STPG3: variants seen among roughly 807,000 people sequenced by gnomAD.
STPG3 encodes the protein sperm-tail PG-rich repeat containing 3, also known as protein STPG3.
In STPG3, 39 loss-of-function variants were observed where a neutral mutation model predicts 32.5. The ratio of observed to expected loss-of-function variants is 1.20; its 90% CI spans 0.93 to 1.57. The LOEUF is 1.57. Ranked by LOEUF, STPG3 falls within the 40% of genes most tolerant of loss-of-function variation. The probability of loss-of-function intolerance (pLI) is 0.00; values close to 1 mark genes in which losing one functional copy is unlikely to be tolerated. For synonymous variants in STPG3, 209 were observed against 172.4 expected (o/e 1.21, Z -1.66); for missense variants, 507 against 407.6 (o/e 1.24, Z -2.10).
rs759028220 is a variant in STPG3 at position 137,251,340 on chromosome 9, T to C, written c.54T>C (p.Asn18=). 4 of 1,613,482 alleles carry C rather than the reference T, an allele frequency of 2.5e-6. No homozygotes were observed. Among genetic ancestry groups the C allele is most frequent in the East Asian group, 4.5e-5 (2 of 44,860 alleles). Reference sequence around the variant, plus strand: ...AATTCCTGGCAAATTTTTACATCAATGGAGGCAAACACTGGACCCATGGTC... The same window carrying C: ...AATTCCTGGCAAATTTTTACATCAACGGAGGCAAACACTGGACCCATGGTC... ...AVKFLANFYI[N]GGKHWTHGHL... The change falls in exon 1 of 6, where the codon AAT becomes AAC. Residue 18 remains asparagine, a synonymous_variant. Coordinates refer to ENST00000412566, the MANE Select transcript of STPG3 (RefSeq NM_001004353.4).
rs768103281 is a variant in STPG3 at position 137,251,805 on chromosome 9, A to G, written c.178A>G (p.Lys60Glu). 5 of 1,599,906 alleles carry G rather than the reference A, an allele frequency of 3.1e-6. No individual in the cohort carries two copies. In the South Asian group the frequency reaches 5.6e-5, roughly 18 times the overall value. Reference protein sequence around the residue: ...GMAWDETQPPKMKEIPVGLRL... With the variant: ...GMAWDETQPPEMKEIPVGLRL... ...GGCCTGGGATGAGACACAGCCCCCAAAGATGAAGGAGATCCCAGTTGGCCT... is the reference window on the plus strand; with the variant it reads ...GGCCTGGGATGAGACACAGCCCCCAGAGATGAAGGAGATCCCAGTTGGCCT... The change falls in exon 2 of 6, where the codon AAG becomes GAG. Residue 60 changes from lysine (K) to glutamate (E), a missense_variant. Physicochemically the swap from Lys to Glu is moderately conservative, Grantham distance 56. Transcript: ENST00000412566.
intron 4 of STPG3, 40 bp downstream of exon 4, chr9:137,252,565 G>C (rs1009115174): frequency 6.0e-6 from 9 of 1,509,738 alleles, no homozygotes; most frequent in Non-Finnish European, 8.1e-6. Context: ...AGTCCACGCA[G>C]GCAGGGGGCT....
chr9:137,251,529 A>G (rs1216170639), intron 1 of STPG3, 133 bp downstream of exon 1: 17 of 951,544 alleles, frequency 1.8e-5, no homozygotes, highest in Non-Finnish European at 2.7e-5. Flanking sequence ...GCTGTGGGGC[A>G]GGCGGCTGGG....
chr9:137,252,409 C>G (rs374699764), intron 3 of STPG3, 28 bp from the exon 4 acceptor site: 60 of 1,600,906 alleles, frequency 3.7e-5, no homozygotes, highest in Non-Finnish European at 4.8e-5. Flanking sequence ...GGCTCCCAGC[C>G]TTCTCTCTCT....
rs1331826116 is a variant in STPG3 at position 137,251,756 on chromosome 9, G to A, written c.129G>A (p.Leu43=). The A allele has an allele frequency of 1.3e-6, 2 of 1,575,682 alleles. No individual in the cohort carries two copies. The highest frequency in any genetic ancestry group is 1.9e-5 in the Admixed American group (1 of 53,804). ...CTTGCAGGCCCAAGGCATCTGTGCTGTTGTTGGGCCCGGAGCCGGGGATGG... is the reference window on the plus strand; with the variant it reads ...CTTGCAGGCCCAAGGCATCTGTGCTATTGTTGGGCCCGGAGCCGGGGATGG... ...PEPTQPKASV[L]LLGPEPGMAW... is the part of the protein sequence containing the mutation. The change falls in exon 2 of 6, where the codon CTG becomes CTA. Residue 43 remains leucine (L), a synonymous_variant. Coordinates refer to ENST00000412566, the MANE Select transcript of STPG3 (RefSeq NM_001004353.4).
rs202188134 is a variant in STPG3, at chr9:137,251,851, C to T, written c.224C>T (p.Pro75Leu). The change falls in exon 2 of 6, where the codon CCC (proline) becomes CTC (leucine). Residue 75 changes from proline (P) to leucine (L), a missense_variant. Transcript: ENST00000412566. The part of the protein sequence containing the change: ...PVGLRLQTGT[P>L]QESLPTYTQT... ...GGCCTCAGGTTACAGACGGGCACCC[C>T]CCAGGAGTCCCTGCCCACCTACACC... The T allele has an allele frequency of 3.2e-5, 51 of 1,607,938 alleles. No individual in the cohort carries two copies. The highest frequency in any genetic ancestry group is 8.5e-5 in the Admixed American group (5 of 59,164).
At chr9:137,252,567 C>A in intron 4 of STPG3, 42 bp downstream of exon 4, 2 of 1,131,840 alleles carry the variant, frequency 1.8e-6, no homozygotes, top group East Asian at 2.9e-5. Flanking sequence ...TCCACGCAGG[C>A]AGGGGGCTGG....
chr9:137,251,438 G>A (rs957317654), intron 1 of STPG3, 42 bp downstream of exon 1: 1 of 1,462,268 alleles, frequency 6.8e-7, no homozygotes. Context: ...CCAGCTGGGA[G>A]TGGCCAGGGG....
rs756596541 is a variant in STPG3, at chr9:137,252,155, G to T, written c.403+20G>T. 1 of 1,596,564 alleles carries T rather than the reference G, an allele frequency of 6.3e-7. No individual in the cohort carries two copies. Among genetic ancestry groups the T allele is most frequent in the South Asian group, 1.1e-5 (1 of 90,258 alleles). Reference sequence around the variant, plus strand: ...GCCGAGGTGTGTGTCCCCTCCCTGAGGCCCAACCACCGGGCCTGTCCCTCA... The same window carrying T: ...GCCGAGGTGTGTGTCCCCTCCCTGATGCCCAACCACCGGGCCTGTCCCTCA... On this transcript the variant is annotated intron_variant, in intron 3 of 5. Coordinates refer to ENST00000412566, the MANE Select transcript of STPG3 (RefSeq NM_001004353.4).
chr9:137,252,349 G>A (rs527929748), intron 3 of STPG3, 88 bp from the exon 4 acceptor site: 13 of 1,435,456 alleles, frequency 9.1e-6, no homozygotes, highest in Admixed American at 3.8e-5. Context: ...TTCAGGGGCC[G>A]AGGGTGGGAA....
chr9:137,252,211 T>C, intron 3 of STPG3, 76 bp downstream of exon 3: 4 of 1,541,802 alleles, frequency 2.6e-6, no homozygotes, highest in Non-Finnish European at 3.5e-6. Flanking sequence ...GCCTCTGTGC[T>C]GAAACCCCCA....
At chr9:137,252,372 T>A in intron 3 of STPG3, 65 bp from the exon 4 acceptor site, 19 of 1,519,982 alleles carry the variant, frequency 1.3e-5, no homozygotes, top group Non-Finnish European at 1.7e-5. Context: ...GGGAGACAGG[T>A]TCGAGTGGGG....
Position 137,252,965 on chromosome 9 carries a change from T to C in STPG3, c.796T>C (p.Ser266Pro), listed in dbSNP as rs1482667747. 6.3e-6 allele frequency: 10 copies of C among 1,592,706 alleles called. No homozygotes were observed. The highest frequency in any genetic ancestry group is 1.4e-5 in the African/African-American group (1 of 73,866). ...SPAFTSWLST[S>P]RTPGPAAYHV... is the part of the protein sequence containing the mutation. ...TGCGTTCACCTCCTGGCTCAGCACC[T>C]GTAAGGAGGCCTGGAGAGAAGAGGG... is the stretch of plus-strand genomic sequence containing the variant. The change falls in exon 5 of 6, where the codon TCC becomes CCC. Residue 266 changes from serine to proline, a missense_variant and splice_region_variant. Ser to Pro is a moderately conservative substitution (Grantham distance 74). Coordinates refer to ENST00000412566, the MANE Select transcript of STPG3 (RefSeq NM_001004353.4).
chr9:137,252,819 T>A lies in STPG3; in HGVS notation c.650T>A (p.Leu217Gln), dbSNP rs1837424368. Residue 217 changes from leucine (L) to glutamine (Q), a missense_variant, in exon 5 of 6, where the codon CTG (leucine) becomes CAG (glutamine). By Grantham distance (113) the Leu-to-Gln change is moderately radical (BLOSUM62 -2). Transcript: ENST00000412566. ...GGCCTCAGGGTGCAGCCCCAGTCCC[T>A]GCTTCAGGCCTCTTTGCAGGCACCT... is the stretch of plus-strand genomic sequence containing the variant. ...GLGLRVQPQS[L>Q]LQASLQAPGK... is the part of the protein sequence containing the mutation. 2 of 1,568,518 alleles carry A rather than the reference T, an allele frequency of 1.3e-6. No individual in the cohort carries two copies. The highest frequency in any genetic ancestry group is 1.7e-6 in the Non-Finnish European group (2 of 1,157,316).
Position 137,252,426 on chromosome 9 carries a change from T to C in STPG3, c.404-11T>C. ...CTCCCAGCCTTCTCTCTCTCCATCC[T>C]CCAACTACAGAGGGCGGTGGCCGCA... On this transcript the variant is annotated splice_polypyrimidine_tract_variant and intron_variant, in intron 3 of 5. Coordinates refer to ENST00000412566, the MANE Select transcript of STPG3 (RefSeq NM_001004353.4). 1 of 1,607,670 alleles carries C rather than the reference T, an allele frequency of 6.2e-7. No individual in the cohort carries two copies. The highest frequency in any genetic ancestry group is 2.2e-5 in the East Asian group (1 of 44,686).
chr9:137,251,414 G>A lies in STPG3; in HGVS notation c.110+18G>A. On this transcript the variant is annotated intron_variant, in intron 1 of 5. Coordinates refer to ENST00000412566, the MANE Select transcript of STPG3 (RefSeq NM_001004353.4). ...CCCACCCAGTAACTGGCGGAGAGGG[G>A]GAGAAGGGGCGGGCCAGCTGGGAGT... 1.3e-6 allele frequency: 2 copies of A among 1,584,798 alleles called. No homozygotes were observed. The highest frequency in any genetic ancestry group is 1.7e-6 in the Non-Finnish European group (2 of 1,156,064).
At chr9:137,253,002 G>C (rs1460664545) in intron 5 of STPG3, 37 bp downstream of exon 5, 1 of 1,556,728 alleles carries the variant, frequency 6.4e-7, no homozygotes, top group Admixed American at 1.8e-5. Flanking sequence ...TAGGGATGGG[G>C]CATGGGTGGG....
rs1226535874 is a variant in STPG3 at position 137,253,203 on chromosome 9, C to A, written c.885C>A (p.Arg295=). ...SAPGVVIQGV[R]RPKRHDTGPF... is the part of the protein sequence containing the mutation. ...CTGGCGTGGTCATCCAGGGTGTACGCAGACCCAAGCGCCACGACACAGGCC... is the reference window on the plus strand; with the variant it reads ...CTGGCGTGGTCATCCAGGGTGTACGAAGACCCAAGCGCCACGACACAGGCC... Residue 295 remains arginine, a synonymous_variant, in exon 6 of 6, where the codon CGC becomes CGA. Coordinates refer to ENST00000412566, the MANE Select transcript of STPG3 (RefSeq NM_001004353.4). 5 of 1,609,010 alleles carry A rather than the reference C, an allele frequency of 3.1e-6. No homozygotes were observed. Among genetic ancestry groups the A allele is most frequent in the Non-Finnish European group, 2.5e-6 (3 of 1,178,114 alleles).
At chr9:137,253,022 G>A in intron 5 of STPG3, 57 bp downstream of exon 5, 1 of 1,490,474 alleles carries the variant, frequency 6.7e-7, no homozygotes, top group Non-Finnish European at 9.1e-7. Flanking sequence ...GCAATGTGAG[G>A]ACAAGGGTTC....
Sources: gnomAD v4.1 joint callset for allele counts on GRCh38, gnomAD v4.1.1 for gene constraint, MANE v1.5 for transcripts, NCBI Gene and HGNC (gene_info 2026-07-23, HGNC 2026-07-21) for gene names.